Variants in TPRG1 observed in about 807,000 individuals in gnomAD.
TPRG1 encodes the protein tumor protein p63-regulated gene 1 protein.
Under a neutral mutation model 29.3 loss-of-function variants are expected in TPRG1, and 29 were observed. The observed-to-expected ratio is 0.99, with a 90% CI of 0.74 to 1.35. The LOEUF (loss-of-function observed/expected upper bound fraction) is 1.35. Ranked by LOEUF, TPRG1 falls within the 40% of genes most tolerant of loss-of-function variation. The probability of loss-of-function intolerance (pLI) is 0.00; values close to 1 mark genes in which losing one functional copy is unlikely to be tolerated. For synonymous variants in TPRG1, 130 were observed against 116.8 expected (o/e 1.11, Z -0.73); for missense variants, 327 against 335.0 (o/e 0.98, Z 0.19).
intron 1 of TPRG1, among the ~76,000 whole-genome samples, chr3:189,107,591 A>T (rs1374043649): frequency 6.6e-6 from 1 of 152,144 alleles, no homozygotes; most frequent in African/African-American, 2.4e-5. Flanking sequence ...ATTGAATCAT[A>T]TCAATCTTTT....
chr3:189,114,538 C>T (rs980637124), intron 1 of TPRG1, among the ~76,000 whole-genome samples: 1 of 152,154 alleles, frequency 6.6e-6, no homozygotes, highest in African/African-American at 2.4e-5. Context: ...CCTCCTTGGT[C>T]TCCCAAAGTG....
chr3:189,240,823 CAT>C (rs1158057666), intron 4 of TPRG1, among the ~76,000 whole-genome samples: 5 of 152,178 alleles, frequency 3.3e-5, no homozygotes, highest in African/African-American at 1.2e-4. Context: ...TATCTACACA[CAT>C]ATTTATTACA....
intron 1 of TPRG1, chr3:189,121,850 C>A (rs1461255667): frequency 6.6e-6 from 1 of 152,088 alleles, no homozygotes; most frequent in Non-Finnish European, 1.5e-5. Flanking sequence ...AGAGCAGATT[C>A]AAGGAGTAAA....
chr3:189,148,555 T>C (rs1265906918), intron 4 of TPRG1, among the ~76,000 whole-genome samples: 1 of 152,102 alleles, frequency 6.6e-6, no homozygotes, highest in Admixed American at 6.5e-5. Flanking sequence ...CATTGCATGG[T>C]GTGAGTTGTT....
intron 4 of TPRG1, among the ~76,000 whole-genome samples, chr3:189,063,401 A>T (rs1201827693): frequency 6.6e-6 from 1 of 152,118 alleles, no homozygotes; most frequent in Non-Finnish European, 1.5e-5. Context: ...TGAACCACAC[A>T]ATTATTCACC....
intron 3 of TPRG1, among the ~76,000 whole-genome samples, chr3:189,236,417 T>C (rs1021318346): frequency 6.6e-6 from 1 of 152,160 alleles, no homozygotes; most frequent in African/African-American, 2.4e-5. Flanking sequence ...TTTATGTAGA[T>C]ATCTGATAAG....
rs945916485 is a variant in TPRG1 at position 189,322,263 on chromosome 3, A to G, written c.*1443A>G. Reference sequence around the variant, plus strand: ...TTTCTTTGAAAAGCTTGCTTCCTCAATTTCAAAGATTTGTCCTCTGATATA... The same window carrying G: ...TTTCTTTGAAAAGCTTGCTTCCTCAGTTTCAAAGATTTGTCCTCTGATATA... On this transcript the variant is annotated 3_prime_UTR_variant, in exon 6 of 6. Coordinates refer to ENST00000345063, the MANE Select transcript of TPRG1 (RefSeq NM_198485.4). 9 of 152,190 alleles carry G rather than the reference A, an allele frequency of 5.9e-5. No individual in the cohort carries two copies. Among genetic ancestry groups the G allele is most frequent in the Non-Finnish European group, 1.3e-4 (9 of 68,014 alleles). 9.4% of individuals were successfully genotyped at this position (152,190 alleles called of 1,614,324 possible). A position where few individuals can be genotyped will look rare whatever the true frequency, so the allele number is the denominator to read the frequency against.
chr3:189,093,455 A>G (rs1049675313), intron 4 of TPRG1, among the ~76,000 whole-genome samples: 6 of 152,206 alleles, frequency 3.9e-5, no homozygotes, highest in Admixed American at 2.6e-4. Context: ...TCATAAATTT[A>G]TTGGAGAGAC....
At chr3:189,260,031 T>C (rs555227263) in intron 4 of TPRG1, among the ~76,000 whole-genome samples, 1 of 152,274 alleles carries the variant, frequency 6.6e-6, no homozygotes, top group South Asian at 2.1e-4. Flanking sequence ...ATATAGACAG[T>C]TTAAGGCTTA....
rs76852181 is a variant in TPRG1, at chr3:189,196,242, C to T, written c.-9-11134C>T. Among the ~76,000 whole-genome samples, 612 of 152,276 alleles carry T rather than the reference C, an allele frequency of 4.0e-3. 4 individuals are homozygous for T. Among genetic ancestry groups the T allele is most frequent in the African/African-American group, 0.014 (577 of 41,566 alleles). On this transcript the variant is annotated intron_variant, in intron 1 of 5. Coordinates refer to ENST00000345063, the MANE Select transcript of TPRG1 (RefSeq NM_198485.4). Reference sequence around the variant, plus strand: ...GTTAGATAATATCTGAAATGTTTGGCAGCCCTGTTGGATTTTATCATGTGA... The same window carrying T: ...GTTAGATAATATCTGAAATGTTTGGTAGCCCTGTTGGATTTTATCATGTGA...
chr3:189,188,309 G>A (rs1446935323), intron 1 of TPRG1, among the ~76,000 whole-genome samples: 3 of 152,152 alleles, frequency 2.0e-5, no homozygotes, highest in Non-Finnish European at 4.4e-5. Context: ...TCAGAGAAAG[G>A]TGAGTTATGC....
chr3:189,202,811 G>C (rs896964212), intron 1 of TPRG1, among the ~76,000 whole-genome samples: 1 of 152,260 alleles, frequency 6.6e-6, no homozygotes, highest in Middle Eastern at 3.4e-3. Flanking sequence ...GCTGGGGATT[G>C]GTCCTGCTTC....
chr3:189,121,475 T>TA (rs1356106066), intron 1 of TPRG1: 1 of 152,226 alleles, frequency 6.6e-6, no homozygotes, highest in African/African-American at 2.4e-5. Context: ...ATTTTGTAGC[T>TA]AAAAAGCAGA....
chr3:189,243,566 G>A (rs1740947357), intron 4 of TPRG1, among the ~76,000 whole-genome samples: 1 of 151,612 alleles, frequency 6.6e-6, no homozygotes, highest in Non-Finnish European at 1.5e-5. Context: ...CCTACCATAT[G>A]GCCAGTCTTC....
At position 189,108,812 on chromosome 3, in the gene TPRG1, C is replaced by T. The variant is rs796225412; in HGVS notation, c.-744+8608C>T. 1.7e-4 allele frequency among the ~76,000 whole-genome samples: 26 copies of T among 152,134 alleles called. 1 individual carries two copies. The highest frequency in any genetic ancestry group is 4.8e-4 in the African/African-American group (20 of 41,512). ...GTAAAAGAGAGTGCAATAAAGGTAG[C>T]GCCTTTAAAAAACTTTTAAGCAGGT... On this transcript the variant is annotated intron_variant, in intron 1 of 6. Transcript: ENST00000412373.
chr3:189,277,625 T>A (rs1716395970), intron 4 of TPRG1, among the ~76,000 whole-genome samples: 1 of 152,236 alleles, frequency 6.6e-6, no homozygotes, highest in Non-Finnish European at 1.5e-5. Flanking sequence ...AAGTTTAACG[T>A]CTTGAAGTGC....
intron 1 of TPRG1, among the ~76,000 whole-genome samples, chr3:189,177,205 G>A (rs533562742): frequency 2.0e-5 from 3 of 152,222 alleles, no homozygotes; most frequent in Non-Finnish European, 2.9e-5. Context: ...AGTTTTACCT[G>A]AGCAACAGGT....
At chr3:189,290,729 C>T (rs1168512541) in intron 4 of TPRG1, among the ~76,000 whole-genome samples, 1 of 152,154 alleles carries the variant, frequency 6.6e-6, no homozygotes, top group African/African-American at 2.4e-5. Context: ...TTTGAAAAAG[C>T]TTTGCAGATG....
chr3:189,254,161 G>A lies in TPRG1; in HGVS notation c.479+15252G>A, dbSNP rs149970281. 3.2e-3 allele frequency among the ~76,000 whole-genome samples: 490 copies of A among 152,250 alleles called. 2 individuals are homozygous for A. Among genetic ancestry groups the A allele is most frequent in the African/African-American group, 0.011 (469 of 41,550 alleles). On this transcript the variant is annotated intron_variant, in intron 4 of 5. Coordinates refer to ENST00000345063, the MANE Select transcript of TPRG1 (RefSeq NM_198485.4). Reference sequence around the variant, plus strand: ...GGATTTTTATGGTTTTAGGTCTTATGTTTAATTCTTTAATCCGTCTTGAGT... The same window carrying A: ...GGATTTTTATGGTTTTAGGTCTTATATTTAATTCTTTAATCCGTCTTGAGT...
Sources: allele counts gnomAD v4.1 joint callset (sites outside exome capture counted in the v4.1 genomes callset), GRCh38; gene constraint gnomAD v4.1.1; transcripts MANE v1.5; gene names NCBI Gene and HGNC (gene_info 2026-07-23, HGNC 2026-07-21).